HS6ST3: variants seen among roughly 807,000 people sequenced by gnomAD.
The protein encoded by HS6ST3 is heparan sulfate 6-O-sulfotransferase 3.
In HS6ST3, 12 loss-of-function variants were observed where a neutral mutation model predicts 36.7. The observed-to-expected ratio is 0.33, with a 90% confidence interval of 0.21 to 0.53. The LOEUF (loss-of-function observed/expected upper bound fraction) is 0.53. HS6ST3 is among the 20% of genes least tolerant of loss of function. The probability of loss-of-function intolerance (pLI) is 0.95; values close to 1 mark genes in which losing one functional copy is unlikely to be tolerated. For synonymous variants in HS6ST3, 240 were observed against 257.5 expected (o/e 0.93, Z 0.65); for missense variants, 584 against 640.9 (o/e 0.91, Z 0.96).
At chr13:96,105,713 T>C (rs978299175) in intron 1 of HS6ST3, among the ~76,000 whole-genome samples, 2 of 152,180 alleles carry the variant, frequency 1.3e-5, no homozygotes, top group Non-Finnish European at 2.9e-5. Context: ...AAGAGAGATA[T>C]AATAATGTTT....
intron 1 of HS6ST3, among the ~76,000 whole-genome samples, chr13:96,356,365 C>T (rs2055210066): frequency 6.6e-6 from 1 of 152,096 alleles, no homozygotes; most frequent in Non-Finnish European, 1.5e-5. Flanking sequence ...AGAATAATTG[C>T]TATCTATGGT....
rs1045548718 is a variant in HS6ST3, at chr13:96,555,946, T to A, written c.708-276544T>A. ...ACAGAGACAATAAATTCTGGACTTT[T>A]TAACAGGAAAATTGCTTGGAACAAT... On this transcript the variant is annotated intron_variant, in intron 1 of 1. Coordinates refer to ENST00000376705, the MANE Select transcript of HS6ST3 (RefSeq NM_153456.4). Among the ~76,000 whole-genome samples the A allele has an allele frequency of 5.9e-5, 9 of 152,186 alleles. No individual in the cohort carries two copies. In the South Asian group the frequency reaches 1.2e-3, roughly 21 times the overall value.
intron 1 of HS6ST3, among the ~76,000 whole-genome samples, chr13:96,556,357 G>A (rs562404607): frequency 1.3e-4 from 20 of 152,302 alleles, no homozygotes; most frequent in African/African-American, 4.8e-4. Flanking sequence ...TTAGGTTTTA[G>A]TGCTAGTTGT....
chr13:96,470,499 T>C (rs994536403), intron 1 of HS6ST3, among the ~76,000 whole-genome samples: 10 of 152,172 alleles, frequency 6.6e-5, no homozygotes, highest in African/African-American at 2.4e-4. Flanking sequence ...CTTCAAGATA[T>C]GTCATTCTGT....
intron 1 of HS6ST3, among the ~76,000 whole-genome samples, chr13:96,178,486 T>C (rs1397429864): frequency 6.6e-6 from 1 of 152,060 alleles, no homozygotes; most frequent in Non-Finnish European, 1.5e-5. Flanking sequence ...ACCCTGGAAC[T>C]ATACACTGTG....
At chr13:96,278,674 T>A (rs2054760231) in intron 1 of HS6ST3, among the ~76,000 whole-genome samples, 1 of 152,164 alleles carries the variant, frequency 6.6e-6, no homozygotes, top group Non-Finnish European at 1.5e-5. Context: ...TTTGATCAAG[T>A]CTTATAATTA....
At chr13:96,532,415 G>T (rs551848273) in intron 1 of HS6ST3, among the ~76,000 whole-genome samples, 1 of 152,286 alleles carries the variant, frequency 6.6e-6, no homozygotes, top group East Asian at 1.9e-4. Flanking sequence ...CAACTCTTTA[G>T]TAATAATGAA....
intron 1 of HS6ST3, among the ~76,000 whole-genome samples, chr13:96,730,514 T>C (rs1240607776): frequency 6.6e-6 from 1 of 152,194 alleles, no homozygotes; most frequent in African/African-American, 2.4e-5. Context: ...AAAAATCTTT[T>C]CGTGTGTGAC....
At chr13:96,217,843 G>A (rs1364396613) in intron 1 of HS6ST3, among the ~76,000 whole-genome samples, 3 of 152,102 alleles carry the variant, frequency 2.0e-5, no homozygotes, top group African/African-American at 7.2e-5. Context: ...TATGTGTATA[G>A]TTAGATACAT....
intron 1 of HS6ST3, among the ~76,000 whole-genome samples, chr13:96,583,084 T>A (rs1310534134): frequency 6.6e-6 from 1 of 152,054 alleles, no homozygotes; most frequent in Non-Finnish European, 1.5e-5. Flanking sequence ...TGCCCCTTTG[T>A]TTTCACCTTT....
At position 96,528,914 on chromosome 13, in the gene HS6ST3, A is replaced by G. The variant is rs554695260; in HGVS notation, c.708-303576A>G. Among the ~76,000 whole-genome samples the G allele has an allele frequency of 3.9e-5, 6 of 152,268 alleles. No homozygotes were observed. In the East Asian group the frequency reaches 1.2e-3, roughly 29 times the overall value. ...GCCAGACAGTAAAAAGATTTGCAAA[A>G]TATGAAACAATGGCACCCTTTTCAG... On this transcript the variant is annotated intron_variant, in intron 1 of 1. Coordinates refer to ENST00000376705, the MANE Select transcript of HS6ST3 (RefSeq NM_153456.4).
Position 96,668,171 on chromosome 13 carries a change from T to TAC in HS6ST3, c.708-164302_708-164301dup, listed in dbSNP as rs575336142. Among the ~76,000 whole-genome samples, 421 of 149,146 alleles carry TAC rather than the reference T, an allele frequency of 2.8e-3. 2 individuals carry two copies. Among genetic ancestry groups the TAC allele is most frequent in the Admixed American group, 3.7e-3 (55 of 14,962 alleles). On this transcript the variant is annotated intron_variant, in intron 1 of 1. Transcript: ENST00000376705. Reference sequence around the variant, plus strand: ...GGTCTCTCTCTCTCTCACACACGCATACACACACACACACACACGCACACA... The same window carrying TAC: ...GGTCTCTCTCTCTCTCACACACGCATACACACACACACACACACACGCACACA...
chr13:96,457,985 A>G (rs1195499506), intron 1 of HS6ST3, among the ~76,000 whole-genome samples: 1 of 152,062 alleles, frequency 6.6e-6, no homozygotes, highest in Non-Finnish European at 1.5e-5. Flanking sequence ...CTATTCTACT[A>G]GATAACTTTT....
chr13:96,448,526 T>A (rs1040859660), intron 1 of HS6ST3, among the ~76,000 whole-genome samples: 3 of 150,634 alleles, frequency 2.0e-5, no homozygotes, highest in African/African-American at 7.4e-5. Context: ...GTATTTCCAG[T>A]GTTTACTACA....
At chr13:96,359,447 T>C (rs1401418006) in intron 1 of HS6ST3, among the ~76,000 whole-genome samples, 1 of 152,192 alleles carries the variant, frequency 6.6e-6, no homozygotes, top group Non-Finnish European at 1.5e-5. Context: ...TCAGTACACT[T>C]TTAGAAAACC....
chr13:96,574,045 G>A (rs2056311847), intron 1 of HS6ST3: 2 of 543,216 alleles, frequency 3.7e-6, no homozygotes, highest in South Asian at 2.8e-5. Flanking sequence ...TTGTGACATG[G>A]AAGACAGGGA....
At chr13:96,181,652 T>C (rs1024369274) in intron 1 of HS6ST3, among the ~76,000 whole-genome samples, 4 of 152,150 alleles carry the variant, frequency 2.6e-5, no homozygotes, top group Non-Finnish European at 5.9e-5. Flanking sequence ...AGGCTGATCC[T>C]AGGATGGAGG....
chr13:96,805,253 C>T (rs1430385665), intron 1 of HS6ST3, among the ~76,000 whole-genome samples: 1 of 152,002 alleles, frequency 6.6e-6, no homozygotes. Flanking sequence ...ATGGACTTCC[C>T]CCTTGCTGTT....
In HS6ST3 at chr13:96,594,081, T is replaced by C. The variant is rs187261815; in HGVS notation, c.708-238409T>C. ...TCCGCCTCCTGGGTTCAAGCAATTC[T>C]CCTGCCTCAGCCTCCTGAGTAGCTA... is the stretch of plus-strand genomic sequence containing the variant. On this transcript the variant is annotated intron_variant, in intron 1 of 1. Coordinates refer to ENST00000376705, the MANE Select transcript of HS6ST3 (RefSeq NM_153456.4). Among the ~76,000 whole-genome samples, 1,017 of 152,106 alleles carry C rather than the reference T, an allele frequency of 6.7e-3. 14 individuals carry two copies. Among genetic ancestry groups the C allele is most frequent in the African/African-American group, 0.024 (977 of 41,496 alleles).
Sources: allele counts gnomAD v4.1 joint callset (sites outside exome capture counted in the v4.1 genomes callset), GRCh38; gene constraint gnomAD v4.1.1; transcripts MANE v1.5; gene names NCBI Gene and HGNC (gene_info 2026-07-23, HGNC 2026-07-21).